Variants in SORL1 observed in about 807,000 individuals in gnomAD.
SORL1 encodes the protein sortilin-related receptor.
SORL1 carries 127 observed loss-of-function variants against 273.7 expected under a neutral mutation model. The observed-to-expected ratio is 0.46, with a 90% CI of 0.40 to 0.54. The LOEUF (loss-of-function observed/expected upper bound fraction) is 0.54, where lower values mean the gene tolerates loss of function less well. Ranked by LOEUF, SORL1 falls within the 20% of genes least tolerant of loss-of-function variation. The pLI is 0.00. For missense variants in SORL1, 2,494 were observed against 2,846.1 expected (o/e 0.88, Z 2.81); for synonymous variants, 1,031 against 1,067.4 (o/e 0.97, Z 0.66).
intron 23 of SORL1, 103 bp downstream of exon 23, chr11:121,570,373 A>G (rs891487409): frequency 2.8e-6 from 2 of 715,124 alleles, no homozygotes; most frequent in South Asian, 3.7e-5. Context: ...GCCACCCATG[A>G]TTGGTGATGC....
intron 5 of SORL1, among the ~76,000 whole-genome samples, chr11:121,495,608 C>T (rs1861618082): frequency 6.6e-6 from 1 of 152,200 alleles, no homozygotes; most frequent in Non-Finnish European, 1.5e-5. Flanking sequence ...ACAAGACTAT[C>T]TTCCCGACTT....
Position 121,496,898 on chromosome 11 carries a change from C to T in SORL1, c.788C>T (p.Thr263Ile). 1 of 1,613,008 alleles carries T rather than the reference C, an allele frequency of 6.2e-7. No individual in the cohort carries two copies. The highest frequency in any genetic ancestry group is 1.1e-5 in the South Asian group (1 of 90,976). The change falls in exon 6 of 48, where the codon ACC becomes ATC. Residue 263 changes from threonine (T) to isoleucine (I), a missense_variant. Around this residue, in one of 3 missense-constraint regions of SORL1, gnomAD observed 710 missense variants for 882.5 expected, o/e 0.80. Transcript: ENST00000260197. ...ATTGATCCCTATGACAAACCAAATACCATCTACATTGAACGACATGAACCC... is the reference window on the plus strand; with the variant it reads ...ATTGATCCCTATGACAAACCAAATATCATCTACATTGAACGACATGAACCC... The part of the protein sequence containing the change: ...WGIDPYDKPN[T>I]IYIERHEPSG...
At chr11:121,615,853 T>C (rs1863631877) in intron 41 of SORL1, among the ~76,000 whole-genome samples, 1 of 152,188 alleles carries the variant, frequency 6.6e-6, no homozygotes, top group Non-Finnish European at 1.5e-5. Context: ...CTGTTCCCCC[T>C]TATTCCTTTC....
intron 1 of SORL1, among the ~76,000 whole-genome samples, chr11:121,460,854 A>G (rs1287822568): frequency 6.6e-6 from 1 of 152,104 alleles, no homozygotes; most frequent in Non-Finnish European, 1.5e-5. Flanking sequence ...ATAGCAAGCT[A>G]TAGGGTTAAG....
Position 121,633,728 on chromosome 11 carries a change from C to T in SORL1, c.*4165C>T, listed in dbSNP as rs531189508. ...GTGTGTCTCGAGCTGTTCTTTAGAG[C>T]GCAATAAAGATGGCTGACGCAGTCT... On this transcript the variant is annotated 3_prime_UTR_variant, in exon 48 of 48. Coordinates refer to ENST00000260197, the MANE Select transcript of SORL1 (RefSeq NM_003105.6). 8 of 152,252 alleles carry T rather than the reference C, an allele frequency of 5.3e-5. No individual in the cohort carries two copies. The highest frequency in any genetic ancestry group is 3.9e-4 in the East Asian group (2 of 5,184). The allele number at this position is 152,252 out of a possible 1,614,324, so 9.4% of individuals were successfully genotyped here. A position where few individuals can be genotyped will look rare whatever the true frequency, so the allele number is the denominator to read the frequency against.
chr11:121,512,245 A>G (rs2134843482), intron 6 of SORL1, among the ~76,000 whole-genome samples: 1 of 152,342 alleles, frequency 6.6e-6, no homozygotes, highest in Non-Finnish European at 1.5e-5. Context: ...TCTTGATCCA[A>G]ATAAGCTTCT....
chr11:121,590,733 C>G (rs1297982336), intron 30 of SORL1: 1 of 681,952 alleles, frequency 1.5e-6, no homozygotes, highest in Non-Finnish European at 2.7e-6. Context: ...TTCACCAGCC[C>G]CTGCAAAAGC....
rs1417387465 is a variant in SORL1, at chr11:121,478,098, TC to T, written c.403-18del. On this transcript the variant is annotated intron_variant, in intron 2 of 47. Transcript: ENST00000260197. The stretch of plus-strand genomic sequence containing the variant: ...TCTCACCAACTCTTTCTTTTTCATC[TC>T]CTTTTCTCTGTATTCCAGGTGTACG... The T allele has an allele frequency of 1.9e-6, 3 of 1,574,224 alleles. No individual in the cohort carries two copies. Among genetic ancestry groups the T allele is most frequent in the Non-Finnish European group, 2.6e-6 (3 of 1,156,294 alleles).
Position 121,630,396 on chromosome 11 carries a change from T to C in SORL1, c.*833T>C, listed in dbSNP as rs531727067. 6.6e-6 allele frequency: 1 copy of C among 152,362 alleles called. No homozygotes were observed. Among genetic ancestry groups the C allele is most frequent in the East Asian group, 1.9e-4 (1 of 5,192 alleles). The allele number at this position is 152,362 out of a possible 1,614,324, so 9.4% of individuals were successfully genotyped here. A position where few individuals can be genotyped will look rare whatever the true frequency, so the allele number is the denominator to read the frequency against. On this transcript the variant is annotated 3_prime_UTR_variant, in exon 48 of 48. Transcript: ENST00000260197. Reference sequence around the variant, plus strand: ...ACTGCTTTATTACACACTGGTTTCATTGTCATTGCAAAAACTTACCCTGGT... The same window carrying C: ...ACTGCTTTATTACACACTGGTTTCACTGTCATTGCAAAAACTTACCCTGGT...
chr11:121,484,536 T>A (rs1224379812), intron 3 of SORL1, among the ~76,000 whole-genome samples: 1 of 152,074 alleles, frequency 6.6e-6, no homozygotes, highest in Non-Finnish European at 1.5e-5. Flanking sequence ...AACCCATCTC[T>A]GCTTGTGAGT....
At chr11:121,544,000 A>T (rs1287206976) in intron 13 of SORL1, among the ~76,000 whole-genome samples, 1 of 152,186 alleles carries the variant, frequency 6.6e-6, no homozygotes, top group Non-Finnish European at 1.5e-5. Flanking sequence ...ATGTAGATAA[A>T]TGCATGAATG....
chr11:121,533,798 G>A (rs1477936552), intron 12 of SORL1, among the ~76,000 whole-genome samples: 3 of 152,108 alleles, frequency 2.0e-5, no homozygotes, highest in African/African-American at 7.2e-5. Flanking sequence ...GGAGAGAGAA[G>A]CAAAGTACTG....
intron 41 of SORL1, among the ~76,000 whole-genome samples, chr11:121,617,136 G>A (rs1384364716): frequency 3.9e-5 from 6 of 152,212 alleles, no homozygotes; most frequent in Admixed American, 3.9e-4. Flanking sequence ...GCCTTTAGGG[G>A]AAATAGATGA....
At chr11:121,459,952 C>A (rs1008742202) in intron 1 of SORL1, among the ~76,000 whole-genome samples, 3 of 152,316 alleles carry the variant, frequency 2.0e-5, no homozygotes, top group African/African-American at 7.2e-5. Context: ...AGGCTCTTAG[C>A]TTGGAAAATC....
Position 121,605,434 on chromosome 11 carries a change from A to G in SORL1, c.4811A>G (p.Glu1604Gly). The G allele has an allele frequency of 6.2e-7, 1 of 1,613,844 alleles. No homozygotes were observed. The highest frequency in any genetic ancestry group is 1.1e-5 in the South Asian group (1 of 91,068). The change falls in exon 35 of 48, where the codon GAG becomes GGG. Residue 1604 changes from glutamate (E) to glycine (G), a missense_variant. Coordinates refer to ENST00000260197, the MANE Select transcript of SORL1 (RefSeq NM_003105.6). Reference sequence around the variant, plus strand: ...GGAGAGAGCATATGGAAGACTCTGGAGACCCACAGCAATAAGACAAACACT... The same window carrying G: ...GGAGAGAGCATATGGAAGACTCTGGGGACCCACAGCAATAAGACAAACACT... ...VVGESIWKTLETHSNKTNTVL... is the reference protein window; with the variant it reads ...VVGESIWKTLGTHSNKTNTVL...
At chr11:121,567,178 AG>A in intron 22 of SORL1, 65 bp downstream of exon 22, 2 of 1,376,162 alleles carry the variant, frequency 1.5e-6, no homozygotes. Flanking sequence ...CCGCCAGGGG[AG>A]GGAGGGATAG....
intron 12 of SORL1, among the ~76,000 whole-genome samples, chr11:121,538,104 T>C (rs977502917): frequency 1.8e-4 from 27 of 152,174 alleles, no homozygotes; most frequent in African/African-American, 6.0e-4. Flanking sequence ...TCTTCATGAT[T>C]CTGAACACTC....
chr11:121,606,981 T>A, intron 36 of SORL1, 24 bp downstream of exon 36: 1 of 1,532,828 alleles, frequency 6.5e-7, no homozygotes, highest in Non-Finnish European at 9.0e-7. Flanking sequence ...ATGAGTTGGC[T>A]GTATGTGTGT....
chr11:121,478,068 C>T, intron 2 of SORL1, 50 bp from the exon 3 acceptor site: 1 of 1,463,060 alleles, frequency 6.8e-7, no homozygotes, highest in Non-Finnish European at 9.3e-7. Context: ...ATCTTTCTGC[C>T]AGTTTCTCAC....
Sources: allele counts gnomAD v4.1 joint callset (sites outside exome capture counted in the v4.1 genomes callset), GRCh38; gene constraint gnomAD v4.1.1; regional missense constraint gnomAD v4.1.1; transcripts MANE v1.5; gene names NCBI Gene and HGNC (gene_info 2026-07-23, HGNC 2026-07-21).